The following PPP2R2B variants were observed in gnomAD, a reference collection of about 807,000 sequenced individuals.
The protein encoded by PPP2R2B is protein phosphatase 2 regulatory subunit Bbeta.
PPP2R2B carries 5 observed loss-of-function variants against 46.0 expected under a neutral mutation model. That is an observed-to-expected ratio of 0.11 (90% CI 0.06 to 0.23). The LOEUF is 0.23. Among genes scored for constraint, PPP2R2B ranks in the 10% least tolerant of loss-of-function variants. The probability of loss-of-function intolerance (pLI) is 1.00; values close to 1 mark genes in which losing one functional copy is unlikely to be tolerated. For synonymous variants in PPP2R2B, 215 were observed against 206.7 expected (o/e 1.04, Z -0.34); for missense variants, 367 against 575.0 (o/e 0.64, Z 3.70).
chr5:146,721,045 A>G (rs1780768478), intron 2 of PPP2R2B, among the ~76,000 whole-genome samples: 1 of 152,182 alleles, frequency 6.6e-6, no homozygotes, highest in Non-Finnish European at 1.5e-5. Context: ...TGAAAAGTCA[A>G]TTAACCCACC....
At position 146,585,544 on chromosome 5, in the gene PPP2R2B, T is replaced by C. The variant is rs1310527751; in HGVS notation, c.*4403A>G. 1.3e-5 allele frequency: 2 copies of C among 152,234 alleles called. No homozygotes were observed. The highest frequency in any genetic ancestry group is 4.8e-5 in the African/African-American group (2 of 41,462). 9.4% of individuals were successfully genotyped at this position (152,234 alleles called of 1,614,324 possible). ...TAGCAACTATTGTATGTTAGAGCTG[T>C]ATTTTAACAGCTCTGGCTTTAGAGT... On this transcript the variant is annotated 3_prime_UTR_variant, in exon 10 of 10. Coordinates refer to ENST00000394411, the MANE Select transcript of PPP2R2B (RefSeq NM_181675.4).
intron 1 of PPP2R2B, among the ~76,000 whole-genome samples, chr5:146,889,552 G>T (rs989940953): frequency 1.3e-5 from 2 of 152,118 alleles, no homozygotes; most frequent in African/African-American, 4.8e-5. Flanking sequence ...TGGCAGGGGG[G>T]TAATGCATGA....
At chr5:146,801,586 G>A (rs944264552) in intron 2 of PPP2R2B, among the ~76,000 whole-genome samples, 1 of 152,162 alleles carries the variant, frequency 6.6e-6, no homozygotes, top group African/African-American at 2.4e-5. Context: ...TGAGGGTGAT[G>A]GGAAGATACA....
At chr5:146,624,234 G>T (rs1773893680) in intron 7 of PPP2R2B, among the ~76,000 whole-genome samples, 1 of 152,098 alleles carries the variant, frequency 6.6e-6, no homozygotes, top group African/African-American at 2.4e-5. Context: ...AACAGCAAAA[G>T]GTATCAACTT....
chr5:146,592,860 T>G, intron 9 of PPP2R2B, 111 bp downstream of exon 9: 4 of 1,030,684 alleles, frequency 3.9e-6, no homozygotes, highest in African/African-American at 1.6e-5. Context: ...TTCAGCCAGG[T>G]TTTGGGGCCC....
intron 1 of PPP2R2B, among the ~76,000 whole-genome samples, chr5:146,985,348 T>C (rs1036271587): frequency 6.6e-6 from 1 of 152,168 alleles, no homozygotes; most frequent in Non-Finnish European, 1.5e-5. Flanking sequence ...TTCTCATCCA[T>C]AGGTTGTCTC....
Position 146,590,034 on chromosome 5 carries a change from G to A in PPP2R2B, c.1245C>T (p.Ile415=), listed in dbSNP as rs971815769. 13 of 1,614,158 alleles carry A rather than the reference G, an allele frequency of 8.1e-6. No individual in the cohort carries two copies. The Middle Eastern group carries it at 6.6e-4, about 82-fold the overall frequency. Reference sequence around the variant, plus strand: ...CTGAAGGATGCCAAGCTGTATGCAAGATCTTTTTGCTAAAGTCCAGACTGT... The same window carrying A: ...CTGAAGGATGCCAAGCTGTATGCAAAATCTTTTTGCTAAAGTCCAGACTGT... The part of the protein sequence containing the change: ...SVDSLDFSKK[I]LHTAWHPSEN... The change falls in exon 10 of 10, where the codon ATC becomes ATT. Residue 415 remains isoleucine, a synonymous_variant. Coordinates refer to ENST00000394411, the MANE Select transcript of PPP2R2B (RefSeq NM_181675.4).
At chr5:146,615,709 T>A (rs554105396) in intron 7 of PPP2R2B, among the ~76,000 whole-genome samples, 4 of 151,336 alleles carry the variant, frequency 2.6e-5, no homozygotes, top group Non-Finnish European at 5.9e-5. Context: ...GTCTCTACAA[T>A]GAAAATTAAA....
At chr5:146,824,006 A>G (rs1416009739) in intron 2 of PPP2R2B, among the ~76,000 whole-genome samples, 1 of 152,210 alleles carries the variant, frequency 6.6e-6, no homozygotes, top group Non-Finnish European at 1.5e-5. Context: ...AAGTGAATGC[A>G]GGTACAAACA....
intron 1 of PPP2R2B, among the ~76,000 whole-genome samples, chr5:146,887,018 C>T (rs1762350823): frequency 6.6e-6 from 1 of 151,614 alleles, no homozygotes; most frequent in Non-Finnish European, 1.5e-5. Flanking sequence ...TAATGCAAAC[C>T]ACATTTGTAA....
At chr5:146,804,816 A>G (rs1175763534) in intron 2 of PPP2R2B, among the ~76,000 whole-genome samples, 1 of 152,226 alleles carries the variant, frequency 6.6e-6, no homozygotes, top group African/African-American at 2.4e-5. Flanking sequence ...GAGGAGAAGC[A>G]TATGTTTAAT....
chr5:146,622,440 T>C (rs543946276), intron 7 of PPP2R2B, among the ~76,000 whole-genome samples: 1 of 152,320 alleles, frequency 6.6e-6, no homozygotes, highest in South Asian at 2.1e-4. Context: ...CCTGGGCTTG[T>C]CTGACCCCAG....
chr5:146,794,913 T>C (rs946573131), intron 2 of PPP2R2B, among the ~76,000 whole-genome samples: 2 of 152,174 alleles, frequency 1.3e-5, no homozygotes, highest in African/African-American at 4.8e-5. Context: ...GACTAATTTC[T>C]AAAACAGGAA....
upstream of PPP2R2B, among the ~76,000 whole-genome samples, chr5:146,881,816 A>C (rs1215287450): frequency 6.6e-6 from 1 of 152,216 alleles, no homozygotes; most frequent in East Asian, 1.9e-4. Context: ...TGAATATCTT[A>C]CTTTAATATT....
chr5:146,786,034 G>T (rs1232719108), intron 2 of PPP2R2B, among the ~76,000 whole-genome samples: 1 of 151,960 alleles, frequency 6.6e-6, no homozygotes. Context: ...AGAAGATTTG[G>T]TATCTTCTCA....
intron 2 of PPP2R2B, among the ~76,000 whole-genome samples, chr5:146,823,151 T>C (rs1367753229): frequency 1.3e-5 from 2 of 152,182 alleles, no homozygotes; most frequent in Non-Finnish European, 2.9e-5. Flanking sequence ...ACAGCCTGCA[T>C]ATCACTACCT....
At chr5:146,752,408 C>T (rs1356958720) in intron 2 of PPP2R2B, among the ~76,000 whole-genome samples, 1 of 152,188 alleles carries the variant, frequency 6.6e-6, no homozygotes, top group Non-Finnish European at 1.5e-5. Flanking sequence ...CACCCCTCAT[C>T]CTATCAGTGC....
intron 2 of PPP2R2B, among the ~76,000 whole-genome samples, chr5:146,785,568 CA>C (rs1561905122): frequency 1.3e-5 from 2 of 151,912 alleles, no homozygotes; most frequent in Non-Finnish European, 2.9e-5. Flanking sequence ...AAACAAAAAA[CA>C]AAAACAACTT....
At chr5:146,824,443 C>T (rs1758448916) in intron 2 of PPP2R2B, among the ~76,000 whole-genome samples, 1 of 152,188 alleles carries the variant, frequency 6.6e-6, no homozygotes, top group Admixed American at 6.5e-5. Context: ...AGCTCTTTGG[C>T]TCCCTAGGGT....
Sources: allele counts gnomAD v4.1 joint callset (sites outside exome capture counted in the v4.1 genomes callset), GRCh38; gene constraint gnomAD v4.1.1; transcripts MANE v1.5; gene names NCBI Gene and HGNC (gene_info 2026-07-23, HGNC 2026-07-21).